Variants in SLC25A16 observed in about 807,000 individuals in gnomAD.
The protein encoded by SLC25A16 is mitochondrial coenzyme A transporter SLC25A16.
In SLC25A16, 39 loss-of-function variants were observed where a neutral mutation model predicts 41.5. The ratio of observed to expected loss-of-function variants is 0.94; its 90% CI spans 0.73 to 1.23. SLC25A16 has a LOEUF of 1.23. Among genes scored for constraint, SLC25A16 ranks in the 50% most tolerant of loss-of-function variants. SLC25A16 has a pLI of 0.00. For missense variants in SLC25A16, 421 were observed against 426.9 expected, an observed-to-expected ratio of 0.99 and a Z score of 0.12; for synonymous variants, 146 against 147.8, an observed-to-expected ratio of 0.99 and a Z score of 0.09.
At chr10:68,493,599 C>T (rs1485147147) in intron 4 of SLC25A16, 29 bp from the exon 5 acceptor site, 2 of 1,583,460 alleles carry the variant, frequency 1.3e-6, no homozygotes, top group Non-Finnish European at 1.7e-6. Context: ...TTTAGAGGTA[C>T]AATGAATTTT....
chr10:68,503,471 A>G (rs2052892844), intron 4 of SLC25A16, among the ~76,000 whole-genome samples, 161 bp downstream of exon 4: 1 of 152,190 alleles, frequency 6.6e-6, no homozygotes, highest in African/African-American at 2.4e-5. Context: ...TTTTTATTTT[A>G]ATACATACCT....
intron 1 of SLC25A16, among the ~76,000 whole-genome samples, chr10:68,524,310 C>CA (rs565308290): frequency 0.018 from 766 of 43,732 alleles, 27 homozygotes; most frequent in African/African-American, 0.063. Context: ...AACTCCATCT[C>CA]AAAAAAAAAA....
chr10:68,503,288 T>G (rs560498170), intron 4 of SLC25A16: 5 of 175,322 alleles, frequency 2.9e-5, no homozygotes, highest in African/African-American at 1.2e-4. Flanking sequence ...TTTAAACATT[T>G]CCAAAAGTAG....
In SLC25A16 at chr10:68,493,135, C is replaced by T. The variant is rs2052689078; in HGVS notation, c.607G>A (p.Ala203Thr). 8.2e-6 allele frequency: 13 copies of T among 1,576,330 alleles called. No individual in the cohort carries two copies. The highest frequency in any genetic ancestry group is 1.1e-5 in the Non-Finnish European group (13 of 1,160,682). Residue 203 changes from alanine to threonine, a missense_variant, in exon 6 of 9, where the codon GCA becomes ACA. Coordinates refer to ENST00000609923, the MANE Select transcript of SLC25A16 (RefSeq NM_152707.4). Reference sequence around the variant, plus strand: ...TTCTGGCAAATTTGAAACATACCTGCATATGGAGCCATTCCTAAAATAGTA... The same window carrying T: ...TTCTGGCAAATTTGAAACATACCTGTATATGGAGCCATTCCTAAAATAGTA... ...MPTILGMAPYAGVSFFTFGTL... is the reference protein window; with the variant it reads ...MPTILGMAPYTGVSFFTFGTL...
At chr10:68,488,708 A>T (rs1482320050) in intron 6 of SLC25A16, 79 bp from the exon 7 acceptor site, 7 of 1,141,028 alleles carry the variant, frequency 6.1e-6, no homozygotes, top group Non-Finnish European at 8.8e-6. Context: ...TAAATAATAA[A>T]CACATTTCCT....
intron 1 of SLC25A16, among the ~76,000 whole-genome samples, chr10:68,526,146 A>G (rs936838422): frequency 6.6e-6 from 1 of 151,720 alleles, no homozygotes; most frequent in Non-Finnish European, 1.5e-5. Context: ...TGCAGTTGAG[A>G]CAAGAGGAAG....
At chr10:68,502,753 AGGAGG>A (rs1214177805) in intron 4 of SLC25A16, among the ~76,000 whole-genome samples, 2 of 77,448 alleles carry the variant, frequency 2.6e-5, no homozygotes, top group Non-Finnish European at 5.1e-5. Context: ...AGGAGAGGAG[AGGAGG>A]GGAGGGGAGG....
intron 8 of SLC25A16, among the ~76,000 whole-genome samples, chr10:68,486,735 C>T (rs1395827453): frequency 6.6e-6 from 1 of 151,580 alleles, no homozygotes; most frequent in African/African-American, 2.4e-5. Context: ...GCAGGCAGAT[C>T]ACTTGAGGTC....
chr10:68,493,259 A>T lies in SLC25A16; in HGVS notation c.544-61T>A. On this transcript the variant is annotated intron_variant, in intron 5 of 8. Transcript: ENST00000609923. ...TTGTGCTCATTATCATAAACATCAA[A>T]GAAAAAATCACACTTTATAACAGAA... 3.9e-6 allele frequency: 5 copies of T among 1,268,228 alleles called. No homozygotes were observed. The South Asian group carries it at 5.2e-5, about 13-fold the overall frequency. 78.6% of individuals were successfully genotyped at this position (1,268,228 alleles called of 1,614,324 possible).
chr10:68,523,238 G>A (rs1331296490), intron 1 of SLC25A16, among the ~76,000 whole-genome samples: 2 of 151,564 alleles, frequency 1.3e-5, no homozygotes, highest in African/African-American at 4.8e-5. Context: ...TACAACAGGT[G>A]GGCGCCACCA....
At chr10:68,503,717 T>C in intron 3 of SLC25A16, 22 bp from the exon 4 acceptor site, 1 of 1,473,270 alleles carries the variant, frequency 6.8e-7, no homozygotes, top group African/African-American at 1.4e-5. Flanking sequence ...GAACACTGAA[T>C]TAAATGAGAT....
Position 68,483,229 on chromosome 10 carries a change from T to C in SLC25A16, c.*203A>G. ...AGCTTAGGAATATTTTCTTCAATGTTCTAAGGTATAATGTTTGGCATCAAA... is the reference window on the plus strand; with the variant it reads ...AGCTTAGGAATATTTTCTTCAATGTCCTAAGGTATAATGTTTGGCATCAAA... On this transcript the variant is annotated 3_prime_UTR_variant, in exon 9 of 9. Transcript: ENST00000609923. 8.9e-6 allele frequency: 4 copies of C among 447,044 alleles called. No homozygotes were observed. In the South Asian group the frequency reaches 1.9e-4, roughly 21 times the overall value. 27.7% of individuals were successfully genotyped at this position (447,044 alleles called of 1,614,324 possible).
intron 4 of SLC25A16, chr10:68,496,526 A>G (rs2052752170): frequency 4.1e-6 from 4 of 984,598 alleles, no homozygotes; most frequent in South Asian, 4.7e-5. Flanking sequence ...CCAGGAAGCA[A>G]TGAGACTCAA....
chr10:68,513,918 C>G (rs554385462), intron 2 of SLC25A16, among the ~76,000 whole-genome samples: 1 of 152,096 alleles, frequency 6.6e-6, no homozygotes, highest in South Asian at 2.1e-4. Flanking sequence ...ATGTTTTGGC[C>G]GGGAGCAGTG....
rs191335214 is a variant in SLC25A16, at chr10:68,511,907, A to T, written c.223+4844T>A. Among the ~76,000 whole-genome samples the T allele has an allele frequency of 1.4e-4, 21 of 151,600 alleles. No individual in the cohort carries two copies. The East Asian group carries it at 3.9e-3, about 28-fold the overall frequency. ...GTTCTCACTCTATCGCCCAGGCTGG[A>T]GTACAGTAGCACAGTCTTGGCTCAC... On this transcript the variant is annotated intron_variant, in intron 2 of 8. Transcript: ENST00000609923.
At chr10:68,517,243 G>A in intron 1 of SLC25A16, 5 of 988,626 alleles carry the variant, frequency 5.1e-6, no homozygotes, top group Non-Finnish European at 6.0e-6. Flanking sequence ...GCCAGGTTCT[G>A]TTTGAAGTAA....
intron 8 of SLC25A16, among the ~76,000 whole-genome samples, chr10:68,485,139 G>C (rs990269674): frequency 3.9e-4 from 60 of 152,146 alleles, no homozygotes; most frequent in African/African-American, 9.7e-5. Flanking sequence ...TGCCAGGCTG[G>C]AGTGCAGTAG....
At chr10:68,513,826 G>A (rs1383695578) in intron 2 of SLC25A16, among the ~76,000 whole-genome samples, 1 of 152,064 alleles carries the variant, frequency 6.6e-6, no homozygotes, top group Non-Finnish European at 1.5e-5. Context: ...GGAGGCAGAG[G>A]TTGCAGTGAG....
At chr10:68,511,357 G>A (rs530135065) in intron 2 of SLC25A16, among the ~76,000 whole-genome samples, 5 of 152,168 alleles carry the variant, frequency 3.3e-5, no homozygotes, top group African/African-American at 1.2e-4. Flanking sequence ...GTTCACTGTT[G>A]CACTCCAGGA....
Sources: allele counts gnomAD v4.1 joint callset (sites outside exome capture counted in the v4.1 genomes callset), GRCh38; gene constraint gnomAD v4.1.1; transcripts MANE v1.5; gene names NCBI Gene and HGNC (gene_info 2026-07-23, HGNC 2026-07-21).